ARL15: variants seen among roughly 807,000 people sequenced by gnomAD.
ARL15 encodes ADP-ribosylation factor-like protein 15.
A neutral mutation model predicts 25.2 loss-of-function variants in ARL15; 19 were observed. That is an observed-to-expected ratio of 0.75 (90% CI 0.53 to 1.10). The LOEUF (loss-of-function observed/expected upper bound fraction) is 1.10. Among genes scored for constraint, ARL15 ranks in the 50% least tolerant of loss-of-function variants. ARL15 has a pLI of 0.00. For synonymous variants in ARL15, 94 were observed against 86.8 expected (o/e 1.08, Z -0.46); for missense variants, 220 against 246.0 (o/e 0.89, Z 0.71).
At position 54,075,073 on chromosome 5, in the gene ARL15, G is replaced by GAAAAAAAAAAAA. The variant is rs3836818; in HGVS notation, c.462+38117_462+38128dup. Among the ~76,000 whole-genome samples the GAAAAAAAAAAAA allele has an allele frequency of 8.3e-4, 53 of 63,906 alleles. 8 individuals carry two copies. The highest frequency in any genetic ancestry group is 1.1e-3 in the East Asian group (3 of 2,648). 41.9% of individuals were successfully genotyped at this position (63,906 alleles called of 152,430 possible). On this transcript the variant is annotated intron_variant, in intron 4 of 4. Coordinates refer to ENST00000504924, the MANE Select transcript of ARL15 (RefSeq NM_019087.3). ...GAATGATTCTTAGTACAGAATACAG[G>GAAAAAAAAAAAA]AAAAAAAAAAAAAAAAAAAGTCCTG...
intron 3 of ARL15, among the ~76,000 whole-genome samples, chr5:54,146,965 TTATTTGGCTCTGCTGAC>T (rs1416934415): frequency 6.6e-6 from 1 of 152,158 alleles, no homozygotes; most frequent in Admixed American, 6.5e-5. Context: ...CTAGATTCAT[TTATTTGGCTCTGCTGAC>T]TGTTTGGCTC....
intron 4 of ARL15, among the ~76,000 whole-genome samples, chr5:54,038,812 T>C (rs1750247602): frequency 6.6e-6 from 1 of 152,196 alleles, no homozygotes; most frequent in Non-Finnish European, 1.5e-5. Context: ...ATCATCATCA[T>C]TGCCATATAT....
At chr5:54,272,107 CTTTTTTTTTTTT>C (rs34592464) in intron 1 of ARL15, among the ~76,000 whole-genome samples, 733 of 36,800 alleles carry the variant, frequency 0.02, 18 homozygotes, top group African/African-American at 0.059. Flanking sequence ...CCACTCCTGG[CTTTTTTTTTTTT>C]TTTTTTTTTT....
At chr5:54,088,968 A>G (rs1752055603) in intron 4 of ARL15, among the ~76,000 whole-genome samples, 1 of 152,224 alleles carries the variant, frequency 6.6e-6, no homozygotes, top group African/African-American at 2.4e-5. Context: ...ACAAAGTGCA[A>G]CAAATCTCAC....
intron 4 of ARL15, among the ~76,000 whole-genome samples, chr5:53,978,629 AAAAAAAAG>A (rs1748021010): frequency 6.7e-6 from 1 of 150,018 alleles, no homozygotes; most frequent in African/African-American, 2.4e-5. Context: ...CTACAAAAAA[AAAAAAAAG>A]AAAAGAAAAG....
chr5:53,891,853 T>C (rs1744720984), intron 4 of ARL15, among the ~76,000 whole-genome samples: 1 of 151,926 alleles, frequency 6.6e-6, no homozygotes, highest in Non-Finnish European at 1.5e-5. Context: ...GACTGGAGAG[T>C]GTGAGAAGGC....
intron 1 of ARL15, among the ~76,000 whole-genome samples, chr5:54,184,715 G>T (rs1280334684): frequency 6.6e-6 from 1 of 151,670 alleles, no homozygotes; most frequent in Admixed American, 6.6e-5. Flanking sequence ...AATCTTTTAG[G>T]CTCCATAAAG....
At chr5:53,897,922 C>T (rs1580058511) in intron 4 of ARL15, among the ~76,000 whole-genome samples, 1 of 152,128 alleles carries the variant, frequency 6.6e-6, no homozygotes, top group East Asian at 1.9e-4. Context: ...GCCTACTGTT[C>T]ACTGGAAGCC....
chr5:53,924,123 A>T (rs1745943690), intron 4 of ARL15, among the ~76,000 whole-genome samples: 1 of 152,240 alleles, frequency 6.6e-6, no homozygotes, highest in South Asian at 2.1e-4. Flanking sequence ...TTTGTCTGAC[A>T]TTGTGTCAGA....
chr5:54,154,339 C>T (rs1398121846), intron 3 of ARL15: 3 of 359,612 alleles, frequency 8.3e-6, no homozygotes, highest in Non-Finnish European at 1.5e-5. Context: ...GTATAAATTG[C>T]CAATAATAGT....
chr5:54,114,428 A>T (rs1752839107), intron 3 of ARL15, among the ~76,000 whole-genome samples: 1 of 150,678 alleles, frequency 6.6e-6, no homozygotes, highest in African/African-American at 2.4e-5. Flanking sequence ...AAAAAGCAAC[A>T]CCACATGGAG....
intron 4 of ARL15, among the ~76,000 whole-genome samples, chr5:53,915,013 G>T (rs1580075473): frequency 6.6e-6 from 1 of 152,196 alleles, no homozygotes; most frequent in African/African-American, 2.4e-5. Context: ...GCTTCACCAT[G>T]TTGGCCAGGC....
intron 1 of ARL15, among the ~76,000 whole-genome samples, chr5:54,279,985 C>T (rs1758013934): frequency 6.6e-6 from 1 of 152,240 alleles, no homozygotes; most frequent in East Asian, 1.9e-4. Context: ...TTCTACTGGG[C>T]TGCGAGCCAG....
intron 1 of ARL15, among the ~76,000 whole-genome samples, chr5:54,306,860 CAT>C (rs1165901630): frequency 6.6e-6 from 1 of 152,200 alleles, no homozygotes; most frequent in Non-Finnish European, 1.5e-5. Context: ...TCAATCATCA[CAT>C]GAGTCAAGAC....
In ARL15 at chr5:54,164,399, T is replaced by G. The variant is rs556342445; in HGVS notation, c.193+7385A>C. On this transcript the variant is annotated intron_variant, in intron 2 of 4. Transcript: ENST00000504924. The stretch of plus-strand genomic sequence containing the variant: ...AGGTCAAGTTAGCTGTTAGTGTTGT[T>G]GAAGTCTGCTACGTACTGGCTGATT... 2.6e-5 allele frequency among the ~76,000 whole-genome samples: 4 copies of G among 152,192 alleles called. No homozygotes were observed. In the Middle Eastern group the frequency reaches 0.01, roughly 388 times the overall value.
At chr5:53,969,632 T>A (rs775492698) in intron 4 of ARL15, among the ~76,000 whole-genome samples, 2 of 152,202 alleles carry the variant, frequency 1.3e-5, no homozygotes, top group Non-Finnish European at 2.9e-5. Context: ...ATCTTTTCGA[T>A]GCTTAATATT....
Position 53,886,644 on chromosome 5 carries a change from C to G in ARL15, c.532G>C (p.Asp178His), listed in dbSNP as rs749131821. ...KRWILQPCSL[D>H]DMDALKDSFS... ...CTGTCTTTCAGTGCATCCATGTCAT[C>G]CAGTGAGCAGGGCTGTAGAATCCAG... The change falls in exon 5 of 5, where the codon GAT becomes CAT. Residue 178 changes from aspartate to histidine, a missense_variant. Transcript: ENST00000504924. The G allele has an allele frequency of 6.4e-7, 1 of 1,574,640 alleles. No individual in the cohort carries two copies. Among genetic ancestry groups the G allele is most frequent in the South Asian group, 1.2e-5 (1 of 85,568 alleles).
rs759592673 is a variant in ARL15, at chr5:54,171,948, A to G, written c.49-20T>C. The G allele has an allele frequency of 6.2e-7, 1 of 1,605,022 alleles. No homozygotes were observed. The highest frequency in any genetic ancestry group is 1.1e-5 in the South Asian group (1 of 90,482). On this transcript the variant is annotated intron_variant, in intron 1 of 4. Transcript: ENST00000504924. The stretch of plus-strand genomic sequence containing the variant: ...AAAACACTGCCAAAAGAAGGGGAAA[A>G]AAATGTTCCTTTAAATGACAGTATG...
At chr5:54,175,777 C>G (rs1397200081) in intron 1 of ARL15, among the ~76,000 whole-genome samples, 3 of 150,826 alleles carry the variant, frequency 2.0e-5, no homozygotes, top group African/African-American at 7.3e-5. Context: ...CTCAGCCTCC[C>G]GAGTAGCTGG....
Sources: gnomAD v4.1 joint callset for allele counts (sites outside exome capture counted in the v4.1 genomes callset) on GRCh38, gnomAD v4.1.1 for gene constraint, MANE v1.5 for transcripts, NCBI Gene and HGNC (gene_info 2026-07-23, HGNC 2026-07-21) for gene names.